MCPH1: variants seen among roughly 807,000 people sequenced by gnomAD.
MCPH1 encodes the protein microcephalin.
A neutral mutation model predicts 84.5 loss-of-function variants in MCPH1; 104 were observed. The ratio of observed to expected loss-of-function variants is 1.23; its 90% CI spans 1.05 to 1.45. The LOEUF is 1.45. Ranked by LOEUF, MCPH1 falls within the 40% of genes most tolerant of loss-of-function variation. The pLI, the probability that MCPH1 is intolerant of heterozygous loss-of-function variation, is 0.00. For synonymous variants in MCPH1, 514 were observed against 366.8 expected (o/e 1.40, Z -4.58); for missense variants, 1,498 against 1,005.7 (o/e 1.49, Z -6.62).
intron 11 of MCPH1, among the ~76,000 whole-genome samples, chr8:6,483,107 T>G (rs1023476691): frequency 1.3e-5 from 2 of 152,196 alleles, no homozygotes; most frequent in African/African-American, 4.8e-5. Flanking sequence ...GAAACTTCAG[T>G]ATAAAGCTAA....
chr8:6,531,887 G>A (rs1317096024), intron 12 of MCPH1, among the ~76,000 whole-genome samples: 1 of 152,186 alleles, frequency 6.6e-6, no homozygotes, highest in Non-Finnish European at 1.5e-5. Context: ...TGTGTTAGCT[G>A]TTGAGATTCA....
At chr8:6,506,679 C>A (rs1205916630) in intron 12 of MCPH1, among the ~76,000 whole-genome samples, 2 of 151,292 alleles carry the variant, frequency 1.3e-5, no homozygotes, top group Admixed American at 6.6e-5. Context: ...TTTGCAAAAT[C>A]AATAGGAGGG....
chr8:6,466,772 C>T (rs571915582), intron 9 of MCPH1, among the ~76,000 whole-genome samples: 3 of 152,042 alleles, frequency 2.0e-5, no homozygotes, highest in African/African-American at 7.2e-5. Flanking sequence ...GACGGGGTTT[C>T]ACCATGTTGT....
intron 11 of MCPH1, among the ~76,000 whole-genome samples, chr8:6,491,021 GA>G (rs1810507893): frequency 6.8e-6 from 1 of 147,186 alleles, no homozygotes; most frequent in Admixed American, 6.9e-5. Context: ...TAAATTTTTA[GA>G]ATATTAAAAT....
chr8:6,419,136 C>CACACACACACAG (rs1799764396), intron 3 of MCPH1, among the ~76,000 whole-genome samples: 3 of 118,276 alleles, frequency 2.5e-5, no homozygotes, highest in African/African-American at 1.0e-4. Context: ...CATACACACA[C>CACACACACACAG]ACACACACAC....
chr8:6,445,742 G>C (rs960523423), intron 8 of MCPH1, 195 bp downstream of exon 8: 2 of 1,384,316 alleles, frequency 1.4e-6, no homozygotes, highest in East Asian at 5.3e-5. Flanking sequence ...GGAACTTCTA[G>C]ACTTATTGGT....
intron 12 of MCPH1, among the ~76,000 whole-genome samples, chr8:6,530,731 G>A (rs901565305): frequency 6.6e-6 from 1 of 152,140 alleles, no homozygotes; most frequent in Non-Finnish European, 1.5e-5. Context: ...TGGTAGTCAA[G>A]TAATTTGTTA....
In MCPH1 at chr8:6,646,515, CTT is replaced by C. The variant is rs1226353308; in HGVS notation, c.*3469_*3470del. 6.6e-6 allele frequency: 1 copy of C among 152,150 alleles called. No homozygotes were observed. Among genetic ancestry groups the C allele is most frequent in the Non-Finnish European group, 1.5e-5 (1 of 68,014 alleles). The allele number at this position is 152,150 out of a possible 1,614,324, so 9.4% of individuals were successfully genotyped here. A position where few individuals can be genotyped will look rare whatever the true frequency, so the allele number is the denominator to read the frequency against. On this transcript the variant is annotated 3_prime_UTR_variant, in exon 14 of 14. Coordinates refer to ENST00000344683, the MANE Select transcript of MCPH1 (RefSeq NM_024596.5). ...AGGCAAGTCAGTATAGCAGCATATT[CTT>C]TTCAACAAATGGTGCTGGCAGAAGA... is the stretch of plus-strand genomic sequence containing the variant.
At chr8:6,607,024 A>G (rs1442709983) in intron 12 of MCPH1, among the ~76,000 whole-genome samples, 3 of 152,216 alleles carry the variant, frequency 2.0e-5, no homozygotes, top group Non-Finnish European at 4.4e-5. Context: ...GTATGAAAAC[A>G]GACTAATGCA....
intron 12 of MCPH1, among the ~76,000 whole-genome samples, chr8:6,548,360 G>A (rs1160664447): frequency 6.6e-6 from 1 of 152,204 alleles, no homozygotes; most frequent in Non-Finnish European, 1.5e-5. Context: ...TCATGGGCAA[G>A]TCCATGCTAG....
At position 6,436,178 on chromosome 8, in the gene MCPH1, T is replaced by C. The variant is rs868609512; in HGVS notation, c.436+16T>C. On this transcript the variant is annotated intron_variant, in intron 5 of 13. Coordinates refer to ENST00000344683, the MANE Select transcript of MCPH1 (RefSeq NM_024596.5). ...ACAAATCTAGGTAAGCTAAGAAATA[T>C]AATACAGTTCTTTGCATTTGTGTCC... 2 of 1,611,058 alleles carry C rather than the reference T, an allele frequency of 1.2e-6. No homozygotes were observed. Among genetic ancestry groups the C allele is most frequent in the Middle Eastern group, 1.9e-4 (1 of 5,368 alleles).
At position 6,631,296 on chromosome 8, in the gene MCPH1, C is replaced by T. The variant is rs573694975; in HGVS notation, c.2452+9605C>T. 5.9e-5 allele frequency among the ~76,000 whole-genome samples: 9 copies of T among 152,202 alleles called. No homozygotes were observed. The South Asian group carries it at 1.9e-3, about 32-fold the overall frequency. ...AGGTGGGCACAGCTCATGAAAGCCA[C>T]AGAGAGGCAATTAAGGTAAAAATAG... On this transcript the variant is annotated intron_variant, in intron 13 of 13. Transcript: ENST00000344683.
chr8:6,494,520 G>A (rs1239682921), intron 11 of MCPH1: 1 of 152,166 alleles, frequency 6.6e-6, no homozygotes, highest in Non-Finnish European at 1.5e-5. Flanking sequence ...AAAGTACTCA[G>A]TAAACACTCA....
rs75235095 is a variant in MCPH1, at chr8:6,452,451, A to G, written c.1826-2692A>G. Among the ~76,000 whole-genome samples, 868 of 152,358 alleles carry G rather than the reference A, an allele frequency of 5.7e-3. 13 individuals are homozygous for G. Among genetic ancestry groups the G allele is most frequent in the African/African-American group, 0.02 (837 of 41,580 alleles). ...TGATCATTTCGTGAAAACGAAGTCA[A>G]TGAATTGTGTGTGTAATGAGGTTGG... is the stretch of plus-strand genomic sequence containing the variant. On this transcript the variant is annotated intron_variant, in intron 8 of 13. Coordinates refer to ENST00000344683, the MANE Select transcript of MCPH1 (RefSeq NM_024596.5).
chr8:6,408,795 C>T (rs1408960700), intron 1 of MCPH1, among the ~76,000 whole-genome samples: 3 of 152,024 alleles, frequency 2.0e-5, no homozygotes, highest in African/African-American at 7.3e-5. Flanking sequence ...ACTTCTGTGC[C>T]CAAGTGATCC....
intron 12 of MCPH1, among the ~76,000 whole-genome samples, chr8:6,606,016 C>G: frequency 6.6e-6 from 1 of 152,026 alleles, no homozygotes; most frequent in East Asian, 1.9e-4. Context: ...ATTTTTAAAG[C>G]CAATTTGCTT....
intron 12 of MCPH1, chr8:6,508,768 C>G (rs548431980): frequency 3.0e-6 from 3 of 1,005,766 alleles, no homozygotes; most frequent in East Asian, 2.5e-5. Flanking sequence ...AAAACTTAGT[C>G]TAAAAAAAGT....
chr8:6,471,731 C>G (rs149773570), intron 9 of MCPH1, among the ~76,000 whole-genome samples: 2 of 152,296 alleles, frequency 1.3e-5, no homozygotes, highest in East Asian at 3.9e-4. Flanking sequence ...CTGGTGGGGT[C>G]TCAGCATTAT....
In MCPH1 at chr8:6,625,735, G is replaced by C. The variant is rs909309612; in HGVS notation, c.2452+4044G>C. Reference sequence around the variant, plus strand: ...TAAGTTCAAGGCTGCGGTGAGCAACGATCCCACCACTGTACTCCAGCCTAG... The same window carrying C: ...TAAGTTCAAGGCTGCGGTGAGCAACCATCCCACCACTGTACTCCAGCCTAG... On this transcript the variant is annotated intron_variant, in intron 13 of 13. Transcript: ENST00000344683. 3.1e-6 allele frequency: 3 copies of C among 973,974 alleles called. No individual in the cohort carries two copies. The African/African-American group carries it at 5.3e-5, about 17-fold the overall frequency. 60.3% of individuals were successfully genotyped at this position (973,974 alleles called of 1,614,324 possible).
Sources: allele counts gnomAD v4.1 joint callset (sites outside exome capture counted in the v4.1 genomes callset), GRCh38; gene constraint gnomAD v4.1.1; transcripts MANE v1.5; gene names NCBI Gene and HGNC (gene_info 2026-07-23, HGNC 2026-07-21).